SIRPA: variants seen among roughly 807,000 people sequenced by gnomAD.
The protein encoded by SIRPA is signal regulatory protein alpha.
SIRPA carries 9 observed loss-of-function variants against 50.3 expected under a neutral mutation model. The ratio of observed to expected loss-of-function variants is 0.18; its 90% CI spans 0.11 to 0.31. SIRPA has a LOEUF of 0.31. Ranked by LOEUF, SIRPA falls within the 10% of genes least tolerant of loss-of-function variation. SIRPA has a pLI of 1.00. For synonymous variants in SIRPA, 265 were observed against 284.1 expected (o/e 0.93, Z 0.68); for missense variants, 474 against 661.6 (o/e 0.72, Z 3.11).
chr20:1,924,992 C>A lies in SIRPA; in HGVS notation c.1201+115C>A. 2 of 806,904 alleles carry A rather than the reference C, an allele frequency of 2.5e-6. No individual in the cohort carries two copies. Among genetic ancestry groups the A allele is most frequent in the Non-Finnish European group, 4.2e-6 (2 of 478,358 alleles). The allele number at this position is 806,904 out of a possible 1,614,324, so 50.0% of individuals were successfully genotyped here. Reference sequence around the variant, plus strand: ...CAGCTTCTGCCAGTAGCAAGAAGTCCAGAGGTAGTGGTGCTAGGGCTGGGG... The same window carrying A: ...CAGCTTCTGCCAGTAGCAAGAAGTCAAGAGGTAGTGGTGCTAGGGCTGGGG... On this transcript the variant is annotated intron_variant, in intron 5 of 7. Coordinates refer to ENST00000358771, the MANE Select transcript of SIRPA (RefSeq NM_001040023.2). The surrounding 1 kb of genome is among the most constrained non-coding windows in gnomAD (Gnocchi z 4.5).
At chr20:1,908,194 TC>T (rs774323132) in intron 1 of SIRPA, among the ~76,000 whole-genome samples, 1 of 152,024 alleles carries the variant, frequency 6.6e-6, no homozygotes, top group Non-Finnish European at 1.5e-5. Flanking sequence ...CCTCATCTAT[TC>T]CAGGCACATG....
chr20:1,916,198 C>T (rs774476691), intron 2 of SIRPA, among the ~76,000 whole-genome samples: 3 of 152,164 alleles, frequency 2.0e-5, no homozygotes, highest in East Asian at 1.9e-4. Flanking sequence ...TGGGTTCCTC[C>T]GTTAAGGCAG....
rs183144771 is a variant in SIRPA, at chr20:1,921,570, C to A, written c.612C>A (p.Ser204Arg). Residue 204 changes from serine (S) to arginine (R), a missense_variant, in exon 3 of 8, where the codon AGC becomes AGA. This residue lies in a region of SIRPA where 221 missense variants were observed against 359.9 expected (regional missense o/e 0.61). Coordinates refer to ENST00000358771, the MANE Select transcript of SIRPA (RefSeq NM_001040023.2). ...CCAACGTGGACCCCGTAGGAGAGAG[C>A]GTGTCCTACAGCATCCACAGCACAG... ...FQTNVDPVGE[S>R]VSYSIHSTAK... 3 of 1,614,126 alleles carry A rather than the reference C, an allele frequency of 1.9e-6. No homozygotes were observed. The African/African-American group carries it at 4.0e-5, about 22-fold the overall frequency.
Position 1,924,997 on chromosome 20 carries a change from G to C in SIRPA, c.1201+120G>C. The C allele has an allele frequency of 2.6e-6, 2 of 778,676 alleles. No homozygotes were observed. Among genetic ancestry groups the C allele is most frequent in the Non-Finnish European group, 4.4e-6 (2 of 455,656 alleles). 48.2% of individuals were successfully genotyped at this position (778,676 alleles called of 1,614,324 possible). A position where few individuals can be genotyped will look rare whatever the true frequency, so the allele number is the denominator to read the frequency against. ...TCTGCCAGTAGCAAGAAGTCCAGAG[G>C]TAGTGGTGCTAGGGCTGGGGCAGTG... is the stretch of plus-strand genomic sequence containing the variant. On this transcript the variant is annotated intron_variant, in intron 5 of 7. Coordinates refer to ENST00000358771, the MANE Select transcript of SIRPA (RefSeq NM_001040023.2). This position sits in a 1 kb window ranked among gnomAD's most constrained non-coding sequence, Gnocchi z 4.5.
At position 1,924,751 on chromosome 20, in the gene SIRPA, A is replaced by C; in HGVS notation, c.1088-13A>C. 6.2e-7 allele frequency: 1 copy of C among 1,608,390 alleles called. No homozygotes were observed. Among genetic ancestry groups the C allele is most frequent in the Non-Finnish European group, 8.5e-7 (1 of 1,175,154 alleles). ...TCTGCATACGTGAAGCCTCTATTCC[A>C]TGTGGTCCCTAGAGAACACTGGATC... On this transcript the variant is annotated splice_polypyrimidine_tract_variant and intron_variant, in intron 4 of 7. Transcript: ENST00000358771. This position sits in a 1 kb window ranked among gnomAD's most constrained non-coding sequence, Gnocchi z 4.5.
Position 1,928,523 on chromosome 20 carries a change from A to C in SIRPA, c.1226+624A>C, listed in dbSNP as rs1986126383. 6.6e-6 allele frequency among the ~76,000 whole-genome samples: 1 copy of C among 152,234 alleles called. No individual in the cohort carries two copies. The highest frequency in any genetic ancestry group is 6.5e-5 in the Admixed American group (1 of 15,278). ...TAAACAAGAATCAGCCCAGGCTTTCATGGGGCTCAGACGCCGGTGAGAGAA... is the reference window on the plus strand; with the variant it reads ...TAAACAAGAATCAGCCCAGGCTTTCCTGGGGCTCAGACGCCGGTGAGAGAA... On this transcript the variant is annotated intron_variant, in intron 6 of 7. Transcript: ENST00000358771. This position sits in a 1 kb window ranked among gnomAD's most constrained non-coding sequence, Gnocchi z 4.9.
In SIRPA at chr20:1,937,070, G is replaced by A. The variant is rs1039685575; in HGVS notation, c.1267-250G>A. Among the ~76,000 whole-genome samples, 21 of 152,148 alleles carry A rather than the reference G, an allele frequency of 1.4e-4. No individual in the cohort carries two copies. The highest frequency in any genetic ancestry group is 1.2e-3 in the Admixed American group (18 of 15,278). ...CGGGAGGAGGTGACACTGAGGCGGG[G>A]CTGTGAGGAGACTGCACTGTGCGGG... On this transcript the variant is annotated intron_variant, in intron 7 of 7. Transcript: ENST00000358771. This position sits in a 1 kb window ranked among gnomAD's most constrained non-coding sequence, Gnocchi z 8.3.
At chr20:1,902,368 T>C (rs967699902) in intron 1 of SIRPA, among the ~76,000 whole-genome samples, 2 of 152,224 alleles carry the variant, frequency 1.3e-5, no homozygotes, top group African/African-American at 4.8e-5. Flanking sequence ...GGGCTCATCC[T>C]TAGGCCACAC....
At chr20:1,903,697 C>G (rs935218113) in intron 1 of SIRPA, among the ~76,000 whole-genome samples, 11 of 152,208 alleles carry the variant, frequency 7.2e-5, no homozygotes, top group Admixed American at 1.3e-4. Context: ...TTTGCACTGG[C>G]TGTCTCTTCT....
chr20:1,930,742 C>T (rs1986257312), intron 6 of SIRPA, among the ~76,000 whole-genome samples: 2 of 152,194 alleles, frequency 1.3e-5, no homozygotes, highest in Admixed American at 1.3e-4. Context: ...AGGCATGCGC[C>T]ACCACCCCCG....
Position 1,937,352 on chromosome 20 carries a change from C to G in SIRPA, c.1299C>G (p.Asn433Lys). The G allele has an allele frequency of 3.1e-6, 5 of 1,614,096 alleles. No individual in the cohort carries two copies. Among genetic ancestry groups the G allele is most frequent in the Non-Finnish European group, 4.2e-6 (5 of 1,180,002 alleles). The change falls in exon 8 of 8, where the codon AAC becomes AAG. Residue 433 changes from asparagine to lysine, a missense_variant. This residue lies in a region of SIRPA where 180 missense variants were observed against 206.7 expected (regional missense o/e 0.87). Transcript: ENST00000358771. This position sits in a 1 kb window ranked among gnomAD's most constrained non-coding sequence, Gnocchi z 8.3. The part of the protein sequence containing the change: ...DTNDITYADL[N>K]LPKGKKPAPQ... ...ATGATATCACATATGCAGACCTGAA[C>G]CTGCCCAAGGGGAAGAAGCCTGCTC...
At chr20:1,920,282 C>T (rs1985571322) in intron 2 of SIRPA, among the ~76,000 whole-genome samples, 2 of 152,220 alleles carry the variant, frequency 1.3e-5, no homozygotes, top group South Asian at 4.1e-4. Context: ...AATGACTTGA[C>T]TTCTTCAAGT....
At chr20:1,917,893 G>A (rs1600426647) in intron 2 of SIRPA, among the ~76,000 whole-genome samples, 2 of 152,274 alleles carry the variant, frequency 1.3e-5, no homozygotes, top group South Asian at 4.1e-4. Flanking sequence ...CTTCTCCCTA[G>A]AACTGCATGA....
Position 1,927,761 on chromosome 20 carries a change from A to T in SIRPA, c.1202-114A>T. ...GGTCTCCTGTGGTTCCAAGGATGTGATTACAGCATTTCCTCTCCATGTCCC... is the reference window on the plus strand; with the variant it reads ...GGTCTCCTGTGGTTCCAAGGATGTGTTTACAGCATTTCCTCTCCATGTCCC... On this transcript the variant is annotated intron_variant, in intron 5 of 7. Transcript: ENST00000358771. This position sits in a 1 kb window ranked among gnomAD's most constrained non-coding sequence, Gnocchi z 6.5. 1.1e-6 allele frequency: 1 copy of T among 917,424 alleles called. No individual in the cohort carries two copies. 56.8% of individuals were successfully genotyped at this position (917,424 alleles called of 1,614,324 possible).
rs1377574208 is a variant in SIRPA, at chr20:1,934,253, CCAGCCCTTGA to C, written c.1227-459_1227-450del. 1.3e-5 allele frequency among the ~76,000 whole-genome samples: 2 copies of C among 152,240 alleles called. No homozygotes were observed. Among genetic ancestry groups the C allele is most frequent in the African/African-American group, 2.4e-5 (1 of 41,464 alleles). On this transcript the variant is annotated intron_variant, in intron 6 of 7. Coordinates refer to ENST00000358771, the MANE Select transcript of SIRPA (RefSeq NM_001040023.2). The surrounding 1 kb of genome is among the most constrained non-coding windows in gnomAD (Gnocchi z 4.6). ...CTAAGACATAAACCTCCTCCCCCAT[CCAGCCCTTGA>C]CAAATGCCTTTGTGTTGAAAGCTTT...
intron 6 of SIRPA, among the ~76,000 whole-genome samples, chr20:1,929,809 C>A (rs570609433): frequency 6.6e-6 from 1 of 152,200 alleles, no homozygotes; most frequent in African/African-American, 2.4e-5. Flanking sequence ...CTTCCAAGGG[C>A]AAGACTCGTT....
intron 1 of SIRPA, among the ~76,000 whole-genome samples, chr20:1,904,856 TC>T (rs1425175693): frequency 6.6e-6 from 1 of 152,076 alleles, no homozygotes; most frequent in Non-Finnish European, 1.5e-5. Flanking sequence ...TCCTGATGAC[TC>T]CACAGACTCC....
At chr20:1,929,386 G>A (rs962690074) in intron 6 of SIRPA, among the ~76,000 whole-genome samples, 1 of 152,148 alleles carries the variant, frequency 6.6e-6, no homozygotes, top group Non-Finnish European at 1.5e-5. Flanking sequence ...AAGAGGACTT[G>A]CTGATAGATT....
intron 1 of SIRPA, among the ~76,000 whole-genome samples, chr20:1,902,981 C>A (rs1189277734): frequency 6.8e-6 from 1 of 146,226 alleles, no homozygotes; most frequent in African/African-American, 2.6e-5. Flanking sequence ...CACTGCACTC[C>A]CGCCTGGGTG....
Sources: allele counts gnomAD v4.1 joint callset (sites outside exome capture counted in the v4.1 genomes callset), GRCh38; gene constraint gnomAD v4.1.1; regional missense constraint gnomAD v4.1.1; non-coding constraint Gnocchi (gnomAD v3.1); transcripts MANE v1.5; gene names NCBI Gene and HGNC (gene_info 2026-07-23, HGNC 2026-07-21).